Variants in ESRRG observed in about 807,000 individuals in gnomAD.
ESRRG encodes the protein estrogen-related receptor gamma.
A neutral mutation model predicts 44.0 loss-of-function variants in ESRRG; 13 were observed. The observed-to-expected ratio is 0.30, with a 90% confidence interval of 0.19 to 0.47. ESRRG has a LOEUF of 0.47. ESRRG is among the 20% of genes least tolerant of loss of function. ESRRG has a pLI of 1.00. For synonymous variants in ESRRG, 215 were observed against 214.6 expected, an observed-to-expected ratio of 1.00 and a Z score of -0.02; for missense variants, 395 against 580.6, an observed-to-expected ratio of 0.68 and a Z score of 3.29.
chr1:217,116,307 A>G (rs531843676), intron 1 of ESRRG, among the ~76,000 whole-genome samples: 25 of 152,192 alleles, frequency 1.6e-4, no homozygotes, highest in Admixed American at 2.0e-4. Flanking sequence ...AAGTTCCCAA[A>G]CAGAGTAAAA....
intron 2 of ESRRG, among the ~76,000 whole-genome samples, chr1:216,873,940 A>AGGGAAGGGAG (rs2096302150): frequency 1.2e-5 from 1 of 82,236 alleles, no homozygotes; most frequent in Non-Finnish European, 2.3e-5. Flanking sequence ...AGGGAAGGGA[A>AGGGAAGGGAG]GGGAAGGGGA....
At chr1:216,906,042 T>C (rs1474367681) in intron 2 of ESRRG, among the ~76,000 whole-genome samples, 6 of 152,242 alleles carry the variant, frequency 3.9e-5, no homozygotes, top group Non-Finnish European at 8.8e-5. Context: ...TGAGCCACTG[T>C]GCTCAGCGCT....
intron 2 of ESRRG, among the ~76,000 whole-genome samples, chr1:216,901,138 C>A (rs1343154614): frequency 6.6e-6 from 1 of 151,640 alleles, no homozygotes; most frequent in Non-Finnish European, 1.5e-5. Context: ...GCTGGGAGAG[C>A]CAAAAACTGC....
chr1:216,753,821 A>G (rs2092262865), intron 2 of ESRRG, among the ~76,000 whole-genome samples: 1 of 152,058 alleles, frequency 6.6e-6, no homozygotes, highest in Non-Finnish European at 1.5e-5. Flanking sequence ...GGCTTCAGAT[A>G]TAACAGGAGG....
At chr1:217,109,574 G>A (rs2092638073) in intron 1 of ESRRG, among the ~76,000 whole-genome samples, 1 of 152,152 alleles carries the variant, frequency 6.6e-6, no homozygotes, top group Admixed American at 6.5e-5. Flanking sequence ...AAAGGTAGTG[G>A]AGGGGACTAT....
At chr1:216,872,926 C>A (rs577637548) in intron 2 of ESRRG, among the ~76,000 whole-genome samples, 4 of 152,290 alleles carry the variant, frequency 2.6e-5, no homozygotes, top group Admixed American at 2.0e-4. Flanking sequence ...TTGCTTAACT[C>A]TTATGGAATA....
intron 2 of ESRRG, among the ~76,000 whole-genome samples, chr1:216,674,484 A>G (rs912313456): frequency 2.6e-5 from 4 of 152,202 alleles, no homozygotes; most frequent in African/African-American, 9.7e-5. Flanking sequence ...TAGGACATTC[A>G]TATGTACTGC....
At chr1:216,994,018 T>C (rs2076053345) in intron 1 of ESRRG, among the ~76,000 whole-genome samples, 2 of 152,228 alleles carry the variant, frequency 1.3e-5, no homozygotes, top group South Asian at 4.1e-4. Flanking sequence ...ATCTCTTTCA[T>C]TCTCGTTTTA....
chr1:216,985,028 A>G (rs1035465919), intron 1 of ESRRG, among the ~76,000 whole-genome samples: 3 of 152,204 alleles, frequency 2.0e-5, no homozygotes, highest in African/African-American at 7.2e-5. Flanking sequence ...AGGCTAAAGT[A>G]TGGCTCCAGT....
chr1:216,948,898 A>G (rs567784572), intron 1 of ESRRG, among the ~76,000 whole-genome samples: 2 of 152,258 alleles, frequency 1.3e-5, no homozygotes, highest in East Asian at 3.9e-4. Flanking sequence ...CATTTGGTGC[A>G]CTTTTTCAAG....
chr1:216,702,901 A>G (rs994191452), intron 1 of ESRRG, among the ~76,000 whole-genome samples: 9 of 152,128 alleles, frequency 5.9e-5, no homozygotes, highest in Non-Finnish European at 1.3e-4. Context: ...AGAAATTCTA[A>G]TACCCTAACA....
rs558348563 is a variant in ESRRG at position 216,622,429 on chromosome 1, G to A, written c.589+28544C>T. 2.0e-3 allele frequency among the ~76,000 whole-genome samples: 308 copies of A among 152,190 alleles called. 2 individuals carry two copies. The highest frequency in any genetic ancestry group is 6.8e-3 in the African/African-American group (281 of 41,536). ...TCTTGAATTATTAGTTTTCTTTTAG[G>A]CATTCTCTGATCCTTCTCAACTGAA... On this transcript the variant is annotated intron_variant, in intron 3 of 6. Transcript: ENST00000408911.
At chr1:216,521,736 A>T (rs1258564988) in intron 5 of ESRRG, among the ~76,000 whole-genome samples, 3 of 152,122 alleles carry the variant, frequency 2.0e-5, no homozygotes, top group Non-Finnish European at 2.9e-5. Context: ...GAACTTTTTT[A>T]TTGAGGTCCA....
intron 2 of ESRRG, among the ~76,000 whole-genome samples, chr1:216,812,845 G>T (rs1164590621): frequency 8.5e-5 from 13 of 152,122 alleles, no homozygotes; most frequent in Admixed American, 8.5e-4. Context: ...CCTCAGGTCA[G>T]TTGACCAAAA....
At chr1:216,723,437 C>A, upstream of ESRRG, 1 of 742,998 alleles carries the variant, frequency 1.3e-6, no homozygotes, top group South Asian at 1.6e-5. Flanking sequence ...CTCTCACACT[C>A]TCCTAATCAA....
chr1:217,091,573 G>A (rs2092346291), upstream of ESRRG, among the ~76,000 whole-genome samples: 1 of 152,220 alleles, frequency 6.6e-6, no homozygotes, highest in South Asian at 2.1e-4. Flanking sequence ...GAGGGTCTGA[G>A]GACTATTGAC....
intron 2 of ESRRG, among the ~76,000 whole-genome samples, chr1:216,867,318 C>T (rs756395337): frequency 1.3e-5 from 2 of 152,216 alleles, no homozygotes; most frequent in Admixed American, 6.5e-5. Flanking sequence ...ATTTTTCTAA[C>T]CTCTCCTTTT....
At chr1:216,870,714 T>G (rs1271695427) in intron 2 of ESRRG, among the ~76,000 whole-genome samples, 1 of 152,046 alleles carries the variant, frequency 6.6e-6, no homozygotes, top group African/African-American at 2.4e-5. Flanking sequence ...GTTATCTTGG[T>G]AGTACTTCAT....
intron 2 of ESRRG, among the ~76,000 whole-genome samples, chr1:216,912,183 A>AGGAGAGGAG (rs1560083303): frequency 2.8e-4 from 6 of 21,156 alleles, no homozygotes; most frequent in South Asian, 1.7e-3. Context: ...AAGAAAAGAA[A>AGGAGAGGAG]AGGAGAGGAG....
Sources: allele counts gnomAD v4.1 joint callset (sites outside exome capture counted in the v4.1 genomes callset), GRCh38; gene constraint gnomAD v4.1.1; transcripts MANE v1.5; gene names NCBI Gene and HGNC (gene_info 2026-07-23, HGNC 2026-07-21).